Variants in KIFC3 observed in about 807,000 individuals in gnomAD.
The protein encoded by KIFC3 is kinesin family member C3.
In KIFC3, 60 loss-of-function variants were observed where a neutral mutation model predicts 101.8. The observed-to-expected ratio is 0.59, with a 90% CI of 0.48 to 0.73. KIFC3 has a LOEUF of 0.73. Among genes scored for constraint, KIFC3 ranks in the 30% least tolerant of loss-of-function variants. KIFC3 has a pLI of 0.00. For missense variants in KIFC3, 966 were observed against 1,137.1 expected (o/e 0.85, Z 2.16); for synonymous variants, 476 against 482.7 (o/e 0.99, Z 0.18).
At chr16:57,775,766 G>A (rs1598005308) in intron 3 of KIFC3, 6 of 985,660 alleles carry the variant, frequency 6.1e-6, no homozygotes, top group Non-Finnish European at 7.2e-6. Context: ...GACACAGGAC[G>A]GAGGAGAAAG....
In KIFC3 at chr16:57,771,219, C is replaced by A; in HGVS notation, c.744G>T (p.Arg248=). ...TCACCTTGACAGGTGGGGACTGGGC[C>A]CGCAGGCTGGCAATGGTCTCGTGGC... The part of the protein sequence containing the change: ...RDSHETIASL[R]AQSPPVKYVI... The change falls in exon 6 of 20, where the codon CGG becomes CGT. Residue 248 remains arginine, a synonymous_variant. Transcript: ENST00000445690. The A allele has an allele frequency of 6.2e-7, 1 of 1,612,814 alleles. No homozygotes were observed. The highest frequency in any genetic ancestry group is 1.8e-4 in the Middle Eastern group (1 of 5,656).
In KIFC3 at chr16:57,820,296, A is replaced by T. The variant is rs2055322120; in HGVS notation, c.109-22014T>A. ...TATTTTTTATTTTTTGAGAGACAAG[A>T]TCTCACTTTGTCACCCAGGCTGGAG... On this transcript the variant is annotated intron_variant, in intron 1 of 2. Coordinates refer to the KIFC3 transcript ENST00000563028. Among the ~76,000 whole-genome samples, 3 of 151,972 alleles carry T rather than the reference A, an allele frequency of 2.0e-5. No individual in the cohort carries two copies. The South Asian group carries it at 6.2e-4, about 32-fold the overall frequency.
rs113073750 is a variant in KIFC3 at position 57,763,452 on chromosome 16, C to A, written c.1617+691G>T. Among the ~76,000 whole-genome samples the A allele has an allele frequency of 8.6e-3, 1,307 of 152,268 alleles. 9 individuals carry two copies. The highest frequency in any genetic ancestry group is 0.013 in the Non-Finnish European group (860 of 68,008). ...GCCGCCCAGCAGGCCTGGCTAGCCC[C>A]TTCCCCTGTCCAGACGCCACACCAC... On this transcript the variant is annotated intron_variant, in intron 12 of 19. Transcript: ENST00000445690.
In KIFC3 at chr16:57,760,835, A is replaced by C; in HGVS notation, c.2123T>G (p.Ile708Ser). 1 of 1,613,346 alleles carries C rather than the reference A, an allele frequency of 6.2e-7. No homozygotes were observed. The highest frequency in any genetic ancestry group is 8.5e-7 in the Non-Finnish European group (1 of 1,179,968). Residue 708 changes from isoleucine to serine, a missense_variant, in exon 16 of 20, where the codon ATT (isoleucine) becomes AGT (serine). Physicochemically the swap from Ile to Ser is moderately radical, Grantham distance 142 (BLOSUM62 -2). Transcript: ENST00000445690. Reference sequence around the variant, plus strand: ...GCCCTGGCGGGAGCGCAGGGCAGCAATGACGTCCCCCAGAGCCGACAGCGA... The same window carrying C: ...GCCCTGGCGGGAGCGCAGGGCAGCACTGACGTCCCCCAGAGCCGACAGCGA... ...NKSLSALGDV[I>S]AALRSRQGHV...
chr16:57,803,776 A>G (rs1555626397), upstream of KIFC3, among the ~76,000 whole-genome samples: 1 of 152,234 alleles, frequency 6.6e-6, no homozygotes. Flanking sequence ...ATCATTCCCT[A>G]GAGAGTTAGA....
chr16:57,829,573 T>A (rs1237693366), intron 1 of KIFC3, among the ~76,000 whole-genome samples: 2 of 152,210 alleles, frequency 1.3e-5, no homozygotes, highest in African/African-American at 4.8e-5. Flanking sequence ...ATTTTTTAAA[T>A]GTTCTTTTTA....
chr16:57,842,149 G>C (rs1422312884), intron 1 of KIFC3, among the ~76,000 whole-genome samples: 2 of 151,902 alleles, frequency 1.3e-5, no homozygotes, highest in Non-Finnish European at 2.9e-5. Context: ...GCCGTGAGCT[G>C]AGATCGTGCC....
intron 1 of KIFC3, among the ~76,000 whole-genome samples, chr16:57,854,931 A>C (rs2056133039): frequency 6.6e-6 from 1 of 152,146 alleles, no homozygotes; most frequent in East Asian, 1.9e-4. Flanking sequence ...ATCAAAGTGG[A>C]AGTTTTGGCT....
intron 3 of KIFC3, among the ~76,000 whole-genome samples, chr16:57,784,333 AG>A (rs769299591): frequency 6.1e-4 from 93 of 152,154 alleles, no homozygotes; most frequent in Non-Finnish European, 1.1e-3. Context: ...AGTGTGTAAG[AG>A]GAAGACACAA....
chr16:57,767,054 CT>C, intron 9 of KIFC3, 69 bp from the exon 10 acceptor site: 5 of 1,254,750 alleles, frequency 4.0e-6, no homozygotes, highest in Non-Finnish European at 5.8e-6. Context: ...CTGCCCACCC[CT>C]GAGGGGTGCT....
rs1445786116 is a variant in KIFC3 at position 57,789,429 on chromosome 16, G to T, written c.315+5570C>A. Among the ~76,000 whole-genome samples the T allele has an allele frequency of 3.9e-5, 6 of 152,380 alleles. No homozygotes were observed. The East Asian group carries it at 7.7e-4, about 20-fold the overall frequency. On this transcript the variant is annotated intron_variant, in intron 3 of 19. Transcript: ENST00000445690. ...CCGCTCACACAGAAAGATGCCCAAGGCAGGTGGCAGGGCCACATGCAAAGA... is the reference window on the plus strand; with the variant it reads ...CCGCTCACACAGAAAGATGCCCAAGTCAGGTGGCAGGGCCACATGCAAAGA...
chr16:57,780,426 C>T (rs546203639), intron 3 of KIFC3, among the ~76,000 whole-genome samples: 152 of 151,772 alleles, frequency 1.0e-3, no homozygotes, highest in Middle Eastern at 3.4e-3. Context: ...TGGGAGAATT[C>T]CTTGAACTCA....
chr16:57,803,608 ACCAGCGACGGAG>A (rs1481022863), upstream of KIFC3, among the ~76,000 whole-genome samples: 2 of 152,238 alleles, frequency 1.3e-5, no homozygotes, highest in Non-Finnish European at 2.9e-5. Context: ...AAGAATCTCG[ACCAGCGACGGAG>A]CCAAGGGCCT....
intron 3 of KIFC3, among the ~76,000 whole-genome samples, chr16:57,782,820 C>G (rs1555615588): frequency 6.6e-6 from 1 of 152,246 alleles, no homozygotes; most frequent in Non-Finnish European, 1.5e-5. Flanking sequence ...GTAGTGAATG[C>G]CTGTAATCCT....
At chr16:57,859,468 T>G (rs1327419852) in intron 1 of KIFC3, among the ~76,000 whole-genome samples, 1 of 152,182 alleles carries the variant, frequency 6.6e-6, no homozygotes, top group Admixed American at 6.5e-5. Flanking sequence ...AGTTAAAGCG[T>G]CAAAAGAGTC....
At position 57,779,216 on chromosome 16, in the gene KIFC3, C is replaced by T. The variant is rs185505719; in HGVS notation, c.316-6928G>A. The T allele has an allele frequency of 7.9e-5, 12 of 152,248 alleles. No homozygotes were observed. In the South Asian group the frequency reaches 8.3e-4, roughly 11 times the overall value. The allele number at this position is 152,248 out of a possible 1,614,324, so 9.4% of individuals were successfully genotyped here. A position where few individuals can be genotyped will look rare whatever the true frequency, so the allele number is the denominator to read the frequency against. On this transcript the variant is annotated intron_variant, in intron 3 of 19. Coordinates refer to ENST00000445690, the MANE Select transcript of KIFC3 (RefSeq NM_001130100.2). The stretch of plus-strand genomic sequence containing the variant: ...GAATGGAAAAACAAAACAAACAAAA[C>T]GTGGTATATCCATACAATGCAATAT...
At chr16:57,759,096 C>T in intron 19 of KIFC3, 29 bp downstream of exon 19, 2 of 1,549,910 alleles carry the variant, frequency 1.3e-6, no homozygotes, top group Non-Finnish European at 1.7e-6. Flanking sequence ...GGCAGGCGGG[C>T]AGCCCTGGGC....
At position 57,778,576 on chromosome 16, in the gene KIFC3, TCAA is replaced by T. The variant is rs374763131; in HGVS notation, c.316-6291_316-6289del. 3.8e-3 allele frequency among the ~76,000 whole-genome samples: 576 copies of T among 152,236 alleles called. 2 individuals carry two copies. Among genetic ancestry groups the T allele is most frequent in the African/African-American group, 0.013 (549 of 41,534 alleles). On this transcript the variant is annotated intron_variant, in intron 3 of 19. Transcript: ENST00000445690. The stretch of plus-strand genomic sequence containing the variant: ...TCCTGGATATATAAAGAACTATAAC[TCAA>T]CAACAACAAACCCAATTTAAGAATG...
intron 11 of KIFC3, 185 bp from the exon 12 acceptor site, chr16:57,764,432 C>T (rs1555600849): frequency 5.2e-6 from 3 of 575,682 alleles, no homozygotes; most frequent in Non-Finnish European, 9.4e-6. Context: ...TAGTGGGCAA[C>T]CGGGCCGCCC....
Sources: gnomAD v4.1 joint callset for allele counts (sites outside exome capture counted in the v4.1 genomes callset) on GRCh38, gnomAD v4.1.1 for gene constraint, MANE v1.5 for transcripts, NCBI Gene and HGNC (gene_info 2026-07-23, HGNC 2026-07-21) for gene names.